The following GNG7 variants were observed in gnomAD, a reference collection of about 807,000 sequenced individuals.
The protein encoded by GNG7 is guanine nucleotide-binding protein G(I)/G(S)/G(O) subunit gamma-7.
GNG7 carries 1 observed loss-of-function variant against 4.0 expected under a neutral mutation model. The observed-to-expected ratio is 0.25, with a 90% CI of 0.09 to 1.18. The LOEUF is 1.18. GNG7 is among the 50% of genes most tolerant of loss of function. The pLI is 0.50. For missense variants in GNG7, 86 were observed against 91.9 expected, an observed-to-expected ratio of 0.94 and a Z score of 0.26; for synonymous variants, 34 against 36.9, an observed-to-expected ratio of 0.92 and a Z score of 0.29.
intron 3 of GNG7, among the ~76,000 whole-genome samples, chr19:2,524,991 C>A (rs1010937231): frequency 9.2e-5 from 14 of 151,964 alleles, no homozygotes; most frequent in Middle Eastern, 3.4e-3. Context: ...CCCATGCAGT[C>A]GCCTCCCTAA....
At chr19:2,562,125 C>G (rs954866845) in intron 2 of GNG7, among the ~76,000 whole-genome samples, 2 of 152,258 alleles carry the variant, frequency 1.3e-5, no homozygotes, top group South Asian at 2.1e-4. Flanking sequence ...CATTCACGCC[C>G]TCCACCCACT....
chr19:2,647,866 A>G (rs1019382515), intron 1 of GNG7, among the ~76,000 whole-genome samples: 15 of 151,824 alleles, frequency 9.9e-5, no homozygotes, highest in African/African-American at 2.4e-4. Flanking sequence ...TGTCTCTACT[A>G]AAAATACAAA....
At chr19:2,630,186 G>C (rs2144841348) in intron 2 of GNG7, among the ~76,000 whole-genome samples, 1 of 152,178 alleles carries the variant, frequency 6.6e-6, no homozygotes, top group East Asian at 1.9e-4. Flanking sequence ...AGGGAGTGAA[G>C]GTCCTGCTGA....
At chr19:2,696,991 T>A (rs1458614535) in intron 1 of GNG7, among the ~76,000 whole-genome samples, 1 of 149,122 alleles carries the variant, frequency 6.7e-6, no homozygotes, top group African/African-American at 2.6e-5. Flanking sequence ...TAGCTGGGAT[T>A]ACAGGCGCCC....
rs939079909 is a variant in GNG7, at chr19:2,511,588, T to C, written c.*3434A>G. On this transcript the variant is annotated 3_prime_UTR_variant, in exon 5 of 5. Coordinates refer to ENST00000382159, the MANE Select transcript of GNG7 (RefSeq NM_052847.3). The surrounding 1 kb of genome is among the most constrained non-coding windows in gnomAD (Gnocchi z 6.3). ...ACCTCCACCCGGAAGCCCCCCCGGG[T>C]CACTCACGGGCGGACAGGTGTGTGA... is the stretch of plus-strand genomic sequence containing the variant. 3 of 159,698 alleles carry C rather than the reference T, an allele frequency of 1.9e-5. No individual in the cohort carries two copies. The highest frequency in any genetic ancestry group is 4.0e-5 in the Non-Finnish European group (3 of 75,038). 9.9% of individuals were successfully genotyped at this position (159,698 alleles called of 1,614,324 possible).
chr19:2,566,066 G>GAGA (rs1307615405), intron 2 of GNG7, among the ~76,000 whole-genome samples: 2 of 152,092 alleles, frequency 1.3e-5, no homozygotes, highest in African/African-American at 4.8e-5. Flanking sequence ...GCTGAGGCAG[G>GAGA]AGAATCGCTT....
chr19:2,575,085 C>A (rs1304068925), intron 2 of GNG7, among the ~76,000 whole-genome samples: 1 of 125,362 alleles, frequency 8.0e-6, no homozygotes, highest in Non-Finnish European at 1.6e-5. Flanking sequence ...TTTTTTCTTT[C>A]TTTCTTTTTT....
intron 2 of GNG7, among the ~76,000 whole-genome samples, chr19:2,556,439 G>C (rs1251996996): frequency 2.0e-5 from 3 of 152,228 alleles, no homozygotes; most frequent in Non-Finnish European, 4.4e-5. Context: ...GGCCCCTGTG[G>C]TCTCTGAAGC....
chr19:2,631,591 C>T (rs1035934065), intron 2 of GNG7, among the ~76,000 whole-genome samples: 11 of 152,298 alleles, frequency 7.2e-5, no homozygotes, highest in African/African-American at 2.4e-4. Context: ...ATGTCTGTGG[C>T]TGTGTGCCAA....
intron 3 of GNG7, among the ~76,000 whole-genome samples, chr19:2,529,335 G>T (rs1203226337): frequency 6.6e-6 from 1 of 152,180 alleles, no homozygotes; most frequent in Admixed American, 6.5e-5. Context: ...TCTTGCCTCA[G>T]CCTCCCGGAG....
chr19:2,656,391 T>C lies in GNG7; in HGVS notation c.-134-10111A>G, dbSNP rs1389599539. On this transcript the variant is annotated intron_variant, in intron 1 of 4. Coordinates refer to ENST00000382159, the MANE Select transcript of GNG7 (RefSeq NM_052847.3). The stretch of plus-strand genomic sequence containing the variant: ...GGCCAAGGCAGGCGGATCACAAGGT[T>C]AGGAGTTCAAGACCAGCCTGGCCAA... Among the ~76,000 whole-genome samples, 3 of 152,188 alleles carry C rather than the reference T, an allele frequency of 2.0e-5. 1 individual carries two copies. The highest frequency in any genetic ancestry group is 2.0e-4 in the Admixed American group (3 of 15,286).
Position 2,633,861 on chromosome 19 carries a change from C to T in GNG7, c.-78+12363G>A, listed in dbSNP as rs868678704. Among the ~76,000 whole-genome samples the T allele has an allele frequency of 1.3e-5, 2 of 151,984 alleles. No individual in the cohort carries two copies. The highest frequency in any genetic ancestry group is 2.4e-5 in the African/African-American group (1 of 41,392). On this transcript the variant is annotated intron_variant, in intron 2 of 4. Transcript: ENST00000382159. This position sits in a 1 kb window ranked among gnomAD's most constrained non-coding sequence, Gnocchi z 5.9. The stretch of plus-strand genomic sequence containing the variant: ...ATCATTCTTGGTTGTGGGGCTGCCC[C>T]GGGCACTGCAGGGTGCTGAGTGGCA...
At chr19:2,635,925 T>C (rs1982296119) in intron 2 of GNG7, among the ~76,000 whole-genome samples, 2 of 152,234 alleles carry the variant, frequency 1.3e-5, no homozygotes, top group East Asian at 1.9e-4. Context: ...TGAGTGATAT[T>C]TGGGGACATT....
At chr19:2,552,234 C>T (rs952184589) in intron 3 of GNG7, among the ~76,000 whole-genome samples, 1 of 152,058 alleles carries the variant, frequency 6.6e-6, no homozygotes, top group African/African-American at 2.4e-5. Context: ...ACCCAGGAGG[C>T]GGAGTTTGCA....
chr19:2,701,583 G>C (rs1326533219), intron 1 of GNG7, among the ~76,000 whole-genome samples: 1 of 149,486 alleles, frequency 6.7e-6, no homozygotes, highest in African/African-American at 2.5e-5. Context: ...CTAACCCCTG[G>C]GCCGTCAATC....
At chr19:2,632,005 C>G (rs1982171501) in intron 2 of GNG7, 1 of 152,256 alleles carries the variant, frequency 6.6e-6, no homozygotes, top group Non-Finnish European at 1.5e-5. Context: ...ATAAGGACAA[C>G]TAGCATCGAC....
chr19:2,605,391 G>A (rs1360449308), intron 2 of GNG7, among the ~76,000 whole-genome samples: 1 of 151,120 alleles, frequency 6.6e-6, no homozygotes, highest in African/African-American at 2.4e-5. Flanking sequence ...TAGAGACGGG[G>A]TTTCACCATG....
At chr19:2,647,893 T>C (rs1982707377) in intron 1 of GNG7, among the ~76,000 whole-genome samples, 4 of 150,678 alleles carry the variant, frequency 2.7e-5, no homozygotes. Context: ...CCAGGTGTGG[T>C]GGTGGGCGCC....
intron 1 of GNG7, among the ~76,000 whole-genome samples, chr19:2,658,148 G>T (rs774459943): frequency 2.0e-5 from 3 of 151,798 alleles, no homozygotes; most frequent in Admixed American, 1.3e-4. Context: ...TTATTTCTAC[G>T]ATCTCTCGTC....
Sources: allele counts gnomAD v4.1 joint callset (sites outside exome capture counted in the v4.1 genomes callset), GRCh38; gene constraint gnomAD v4.1.1; non-coding constraint Gnocchi (gnomAD v3.1); transcripts MANE v1.5; gene names NCBI Gene and HGNC (gene_info 2026-07-23, HGNC 2026-07-21).